Variants in DPP6 observed in about 807,000 individuals in gnomAD.
DPP6 encodes dipeptidyl peptidase like 6, also known as A-type potassium channel modulatory protein DPP6.
Under a neutral mutation model 122.6 loss-of-function variants are expected in DPP6, and 69 were observed. The observed-to-expected ratio is 0.56, with a 90% CI of 0.46 to 0.69. The LOEUF (loss-of-function observed/expected upper bound fraction) is 0.69, where lower values mean the gene tolerates loss of function less well. DPP6 is among the 30% of genes least tolerant of loss of function. DPP6 has a pLI of 0.00. For synonymous variants in DPP6, 418 were observed against 433.1 expected, an observed-to-expected ratio of 0.97 and a Z score of 0.43; for missense variants, 928 against 1,116.9, an observed-to-expected ratio of 0.83 and a Z score of 2.41.
intron 1 of DPP6, among the ~76,000 whole-genome samples, chr7:154,432,357 T>C (rs1446036205): frequency 6.6e-6 from 1 of 152,218 alleles, no homozygotes. Context: ...ACTTATTTAA[T>C]AATAATAGTC....
At chr7:153,986,387 A>G (rs996631742) in intron 1 of DPP6, among the ~76,000 whole-genome samples, 1 of 151,830 alleles carries the variant, frequency 6.6e-6, no homozygotes, top group Non-Finnish European at 1.5e-5. Context: ...TCACATCTTC[A>G]GGCCCCAAAT....
intron 1 of DPP6, among the ~76,000 whole-genome samples, chr7:154,375,832 C>A (rs1455670746): frequency 6.6e-6 from 1 of 152,196 alleles, no homozygotes; most frequent in Non-Finnish European, 1.5e-5. Context: ...CTCTCAAGAC[C>A]TTTCTCTATG....
chr7:153,778,509 A>G, the DPP6 span, among the ~76,000 whole-genome samples: 2 of 150,134 alleles, frequency 1.3e-5, no homozygotes, highest in Non-Finnish European at 2.9e-5. Context: ...GTTCAGGTTT[A>G]TTTAGGTATA....
At chr7:154,144,390 C>T (rs1795990578) in intron 1 of DPP6, among the ~76,000 whole-genome samples, 1 of 151,712 alleles carries the variant, frequency 6.6e-6, no homozygotes, top group Non-Finnish European at 1.5e-5. Context: ...AAAAATCTTT[C>T]CGTTTTATTT....
At position 153,964,938 on chromosome 7, in the gene DPP6, CTTTT is replaced by C. The variant is rs34408815; in HGVS notation, c.51+77206_51+77209del. 8.8e-3 allele frequency among the ~76,000 whole-genome samples: 549 copies of C among 62,524 alleles called. 69 individuals carry two copies. Among genetic ancestry groups the C allele is most frequent in the African/African-American group, 0.051 (519 of 10,248 alleles). The allele number at this position is 62,524 out of a possible 152,430, so 41.0% of individuals were successfully genotyped here. A position where few individuals can be genotyped will look rare whatever the true frequency, so the allele number is the denominator to read the frequency against. Reference sequence around the variant, plus strand: ...CCTTTCTTTCTTTCTTTCTTTCTTTCTTTTTCTTTCTTTCTCTCTTTCTTTCTTT... The same window carrying C: ...CCTTTCTTTCTTTCTTTCTTTCTTTCTCTTTCTTTCTCTCTTTCTTTCTTT... On this transcript the variant is annotated intron_variant, in intron 1 of 25. Coordinates refer to the DPP6 transcript ENST00000404039.
At chr7:154,132,669 C>G (rs1795348468) in intron 1 of DPP6, among the ~76,000 whole-genome samples, 1 of 152,116 alleles carries the variant, frequency 6.6e-6, no homozygotes, top group African/African-American at 2.4e-5. Context: ...TCTTTCTTGT[C>G]TTCAGTGGGT....
At chr7:153,957,539 C>T (rs184499933) in intron 1 of DPP6, among the ~76,000 whole-genome samples, 37 of 152,240 alleles carry the variant, frequency 2.4e-4, no homozygotes, top group Non-Finnish European at 4.7e-4. Flanking sequence ...ATATGAGATG[C>T]AAACTCCTCA....
At chr7:154,803,747 C>T in intron 13 of DPP6, 117 bp from the exon 14 acceptor site, 2 of 1,442,070 alleles carry the variant, frequency 1.4e-6, no homozygotes, top group East Asian at 2.5e-5. Context: ...GAGAGCCCTT[C>T]CCACAGAGAG....
intron 1 of DPP6, among the ~76,000 whole-genome samples, chr7:154,111,662 T>A: frequency 6.6e-6 from 1 of 150,434 alleles, no homozygotes; most frequent in Non-Finnish European, 1.5e-5. Context: ...TGTGTGTTGC[T>A]TTGTTTGCAA....
chr7:154,155,776 C>A (rs1563256741), intron 1 of DPP6, among the ~76,000 whole-genome samples: 1 of 152,204 alleles, frequency 6.6e-6, no homozygotes, highest in Non-Finnish European at 1.5e-5. Flanking sequence ...GGCCCTTGCC[C>A]CACTGTTGCT....
chr7:154,541,653 T>A (rs1828739285), intron 4 of DPP6, among the ~76,000 whole-genome samples: 1 of 152,190 alleles, frequency 6.6e-6, no homozygotes, highest in Non-Finnish European at 1.5e-5. Context: ...AGGACAGAAC[T>A]AAGGTTAAAG....
intron 1 of DPP6, among the ~76,000 whole-genome samples, chr7:153,980,411 A>G (rs1453803444): frequency 2.0e-5 from 3 of 151,228 alleles, no homozygotes; most frequent in Non-Finnish European, 2.9e-5. Context: ...ATCATTTTCT[A>G]TTGTGTCTAT....
intron 16 of DPP6, among the ~76,000 whole-genome samples, chr7:154,829,793 C>T (rs959007781): frequency 1.4e-4 from 22 of 152,122 alleles, no homozygotes; most frequent in Non-Finnish European, 3.2e-4. Context: ...TTCCTCCATC[C>T]TGCTCAAAGC....
chr7:154,578,698 C>T (rs1831847410), intron 5 of DPP6, among the ~76,000 whole-genome samples: 1 of 151,940 alleles, frequency 6.6e-6, no homozygotes, highest in Admixed American at 6.6e-5. Context: ...GACGGTGGTG[C>T]CAATTTAACA....
intron 1 of DPP6, among the ~76,000 whole-genome samples, chr7:154,212,267 G>A (rs903956168): frequency 1.4e-4 from 22 of 152,234 alleles, no homozygotes; most frequent in African/African-American, 4.8e-4. Context: ...TTCCCCAGGC[G>A]CTTTCAACTT....
At chr7:154,082,575 G>A (rs1345292386) in intron 1 of DPP6, among the ~76,000 whole-genome samples, 1 of 151,800 alleles carries the variant, frequency 6.6e-6, no homozygotes, top group Non-Finnish European at 1.5e-5. Flanking sequence ...AGTACAGAAA[G>A]TCCTGGCTCA....
chr7:154,588,755 G>T (rs62477178), intron 5 of DPP6: 52,220 of 151,714 alleles, frequency 0.34, 10,013 homozygotes, highest in Non-Finnish European at 0.44. Context: ...TCTGAAGCTT[G>T]TAATCACTCT....
the DPP6 span, among the ~76,000 whole-genome samples, chr7:153,767,508 C>T: frequency 6.6e-6 from 1 of 150,512 alleles, no homozygotes; most frequent in African/African-American, 2.4e-5. Flanking sequence ...GCTGGGATTA[C>T]AGGTGCCTAC....
At chr7:153,885,782 C>T (rs1798888263), upstream of DPP6, among the ~76,000 whole-genome samples, 1 of 152,086 alleles carries the variant, frequency 6.6e-6, no homozygotes, top group Non-Finnish European at 1.5e-5. Context: ...TTTGGTTTAC[C>T]TATTTCTTCC....
Sources: gnomAD v4.1 joint callset for allele counts (sites outside exome capture counted in the v4.1 genomes callset) on GRCh38, gnomAD v4.1.1 for gene constraint, MANE v1.5 for transcripts, NCBI Gene and HGNC (gene_info 2026-07-23, HGNC 2026-07-21) for gene names.